NRIP1: variants seen among roughly 807,000 people sequenced by gnomAD.
NRIP1 encodes nuclear receptor-interacting protein 1.
In NRIP1, 28 loss-of-function variants were observed where a neutral mutation model predicts 75.0. That is an observed-to-expected ratio of 0.37 (90% CI 0.28 to 0.51). NRIP1 has a LOEUF of 0.51. Among genes scored for constraint, NRIP1 ranks in the 20% least tolerant of loss-of-function variants. The probability of loss-of-function intolerance (pLI) is 0.92; values close to 1 mark genes in which losing one functional copy is unlikely to be tolerated. For synonymous variants in NRIP1, 526 were observed against 487.6 expected, an observed-to-expected ratio of 1.08 and a Z score of -1.04; for missense variants, 1,435 against 1,343.7, an observed-to-expected ratio of 1.07 and a Z score of -1.06.
At chr21:15,003,084 T>C (rs1039473176) in intron 3 of NRIP1, among the ~76,000 whole-genome samples, 2 of 152,210 alleles carry the variant, frequency 1.3e-5, no homozygotes, top group African/African-American at 4.8e-5. Context: ...ACTTGGCTTA[T>C]TTTTCTTTTA....
At chr21:14,983,019 C>T (rs1000089297) in intron 3 of NRIP1, among the ~76,000 whole-genome samples, 1 of 152,014 alleles carries the variant, frequency 6.6e-6, no homozygotes, top group Non-Finnish European at 1.5e-5. Context: ...TCTCCTCAGT[C>T]CTTTTTATTG....
intron 3 of NRIP1, among the ~76,000 whole-genome samples, chr21:14,995,605 A>G (rs1392762169): frequency 1.3e-5 from 2 of 152,342 alleles, no homozygotes; most frequent in Admixed American, 6.5e-5. Flanking sequence ...AAGAATTTTA[A>G]TATTTCATAA....
At chr21:14,990,499 T>C (rs762694571) in intron 3 of NRIP1, among the ~76,000 whole-genome samples, 2 of 152,188 alleles carry the variant, frequency 1.3e-5, no homozygotes, top group African/African-American at 4.8e-5. Context: ...TGAGAATTAA[T>C]GAGGCAGTGT....
chr21:14,988,916 G>A (rs1284925419), intron 3 of NRIP1, among the ~76,000 whole-genome samples: 2 of 152,102 alleles, frequency 1.3e-5, no homozygotes, highest in Admixed American at 6.6e-5. Context: ...GAGAAGCAGA[G>A]ATGAGGGAGG....
chr21:14,978,248 TC>T (rs1448985691), intron 3 of NRIP1, among the ~76,000 whole-genome samples: 1 of 152,212 alleles, frequency 6.6e-6, no homozygotes, highest in African/African-American at 2.4e-5. Context: ...TTCCTATGAT[TC>T]CAAGTAATTT....
At chr21:15,059,222 C>T (rs545102533) in intron 1 of NRIP1, among the ~76,000 whole-genome samples, 3 of 152,238 alleles carry the variant, frequency 2.0e-5, no homozygotes, top group Non-Finnish European at 2.9e-5. Context: ...ATTGGAACTC[C>T]GAGCTTAGTC....
chr21:15,033,798 A>T (rs1250204100), intron 2 of NRIP1, among the ~76,000 whole-genome samples: 2 of 152,180 alleles, frequency 1.3e-5, no homozygotes, highest in African/African-American at 4.8e-5. Context: ...TGGGATTCAA[A>T]CTCAAGTCAG....
chr21:14,990,704 G>A (rs1471625420), intron 3 of NRIP1, among the ~76,000 whole-genome samples: 1 of 152,174 alleles, frequency 6.6e-6, no homozygotes, highest in African/African-American at 2.4e-5. Context: ...CAAAGACTGG[G>A]TGGATGGTTA....
At position 14,968,155 on chromosome 21, in the gene NRIP1, T is replaced by C. The variant is rs2086811900; in HGVS notation, c.38A>G (p.Gln13Arg). ...TAGGTAAGTTAAAACAATAGAATCC[T>C]GGTGCACATCAGAGCCAAGCTCTTC... ...HGEELGSDVHQDSIVLTYLEG... is the reference protein window; with the variant it reads ...HGEELGSDVHRDSIVLTYLEG... Residue 13 changes from glutamine to arginine, a missense_variant, in exon 4 of 4, where the codon CAG becomes CGG. Physicochemically the swap from Gln to Arg is conservative, Grantham distance 43. Transcript: ENST00000318948. 1.2e-6 allele frequency: 2 copies of C among 1,613,406 alleles called. No individual in the cohort carries two copies. Among genetic ancestry groups the C allele is most frequent in the Non-Finnish European group, 1.7e-6 (2 of 1,179,756 alleles).
intron 2 of NRIP1, among the ~76,000 whole-genome samples, chr21:15,041,735 C>T (rs1012351825): frequency 7.2e-5 from 11 of 152,016 alleles, no homozygotes; most frequent in African/African-American, 2.7e-4. Context: ...ATTATAACTT[C>T]CATCTTTATA....
intron 1 of NRIP1, among the ~76,000 whole-genome samples, chr21:15,046,651 C>G (rs1488855471): frequency 6.6e-6 from 1 of 152,204 alleles, no homozygotes; most frequent in Non-Finnish European, 1.5e-5. Context: ...GCATTGGTTT[C>G]TCCTCTCTAG....
rs1366153231 is a variant in NRIP1 at position 14,962,532 on chromosome 21, A to G, written c.*2184T>C. ...CATTTCCCCCTACCCAAGGGAGAAT[A>G]CCAACATATTTTTTCTGACATACCT... is the stretch of plus-strand genomic sequence containing the variant. On this transcript the variant is annotated 3_prime_UTR_variant, in exon 4 of 4. Transcript: ENST00000318948. The G allele has an allele frequency of 1.3e-5, 2 of 152,422 alleles. No homozygotes were observed. The allele number at this position is 152,422 out of a possible 1,614,324, so 9.4% of individuals were successfully genotyped here.
intron 3 of NRIP1, among the ~76,000 whole-genome samples, chr21:14,969,583 G>C (rs1346328433): frequency 2.0e-5 from 3 of 152,320 alleles, no homozygotes; most frequent in South Asian, 2.1e-4. Flanking sequence ...CTTTGGAAGA[G>C]AAGCTGGAAT....
chr21:14,967,015 A>C lies in NRIP1; in HGVS notation c.1178T>G (p.Met393Arg). 6 of 1,614,156 alleles carry C rather than the reference A, an allele frequency of 3.7e-6. No homozygotes were observed. Among genetic ancestry groups the C allele is most frequent in the Non-Finnish European group, 5.1e-6 (6 of 1,180,012 alleles). Reference sequence around the variant, plus strand: ...TCTCTCACTGTGACTGTGTCCATTCATTGGCTTAGGTATAGTCTGGCTTTT... The same window carrying C: ...TCTCTCACTGTGACTGTGTCCATTCCTTGGCTTAGGTATAGTCTGGCTTTT... ...LLKSQTIPKP[M>R]NGHSHSERGS... The change falls in exon 4 of 4, where the codon ATG (methionine) becomes AGG (arginine). Residue 393 changes from methionine to arginine, a missense_variant. By Grantham distance (91) the Met-to-Arg change is moderately conservative (BLOSUM62 -1). Transcript: ENST00000318948.
intron 3 of NRIP1, among the ~76,000 whole-genome samples, chr21:14,974,923 C>G (rs2087009703): frequency 6.6e-6 from 1 of 151,844 alleles, no homozygotes; most frequent in Non-Finnish European, 1.5e-5. Flanking sequence ...GCCTGGGCAA[C>G]ATGGCGAGAC....
intron 3 of NRIP1, among the ~76,000 whole-genome samples, chr21:15,003,726 A>G (rs2093374579): frequency 6.6e-6 from 1 of 152,196 alleles, no homozygotes; most frequent in African/African-American, 2.4e-5. Context: ...GCTGTCACAC[A>G]AAGCATAGGC....
rs1159767658 is a variant in NRIP1 at position 14,961,248 on chromosome 21, T to C, written c.*3468A>G. On this transcript the variant is annotated 3_prime_UTR_variant, in exon 4 of 4. Transcript: ENST00000318948. Reference sequence around the variant, plus strand: ...TTTCAAACCAGAGACAATGCATTTTTTCTCATTTATTCAAATTCACTGCAG... The same window carrying C: ...TTTCAAACCAGAGACAATGCATTTTCTCTCATTTATTCAAATTCACTGCAG... The C allele has an allele frequency of 6.6e-6, 1 of 152,430 alleles. No individual in the cohort carries two copies. Among genetic ancestry groups the C allele is most frequent in the African/African-American group, 2.4e-5 (1 of 41,432 alleles). 9.4% of individuals were successfully genotyped at this position (152,430 alleles called of 1,614,324 possible). A position where few individuals can be genotyped will look rare whatever the true frequency, so the allele number is the denominator to read the frequency against.
intron 3 of NRIP1, among the ~76,000 whole-genome samples, chr21:14,984,848 G>A (rs1481936701): frequency 6.6e-6 from 1 of 152,208 alleles, no homozygotes; most frequent in Non-Finnish European, 1.5e-5. Flanking sequence ...AAAGATTATA[G>A]TTCTCTGAAG....
chr21:15,029,134 C>T (rs1416235488), intron 2 of NRIP1, among the ~76,000 whole-genome samples: 1 of 152,176 alleles, frequency 6.6e-6, no homozygotes, highest in African/African-American at 2.4e-5. Flanking sequence ...ATCATAATGG[C>T]CGCCTCACTG....
Sources: gnomAD v4.1 joint callset for allele counts (sites outside exome capture counted in the v4.1 genomes callset) on GRCh38, gnomAD v4.1.1 for gene constraint, MANE v1.5 for transcripts, NCBI Gene and HGNC (gene_info 2026-07-23, HGNC 2026-07-21) for gene names.